SOBP: variants seen among roughly 807,000 people sequenced by gnomAD.
The protein encoded by SOBP is sine oculis-binding protein homolog.
A neutral mutation model predicts 53.6 loss-of-function variants in SOBP; 4 were observed. That is an observed-to-expected ratio of 0.07 (90% CI 0.04 to 0.17). The LOEUF is 0.17. Ranked by LOEUF, SOBP falls within the 10% of genes least tolerant of loss-of-function variation. The pLI, the probability that SOBP is intolerant of heterozygous loss-of-function variation, is 1.00. For missense variants in SOBP, 1,088 were observed against 1,204.7 expected (o/e 0.90, Z 1.43); for synonymous variants, 584 against 522.6 (o/e 1.12, Z -1.60).
At chr6:107,558,458 G>A (rs563214319) in intron 4 of SOBP, among the ~76,000 whole-genome samples, 15 of 151,160 alleles carry the variant, frequency 9.9e-5, no homozygotes, top group African/African-American at 2.9e-4. Flanking sequence ...TAGTAGAGAC[G>A]GGGGTTTCAC....
chr6:107,530,931 A>G (rs1288193815), intron 3 of SOBP, among the ~76,000 whole-genome samples: 1 of 152,206 alleles, frequency 6.6e-6, no homozygotes, highest in Admixed American at 6.5e-5. Flanking sequence ...CTTTGTAAGA[A>G]AGTATTCTTG....
chr6:107,607,640 T>A (rs551779636), intron 5 of SOBP, among the ~76,000 whole-genome samples: 3 of 152,312 alleles, frequency 2.0e-5, no homozygotes, highest in African/African-American at 7.2e-5. Flanking sequence ...AAAGAGCTGA[T>A]CATGTGTAGT....
chr6:107,587,221 C>T, intron 5 of SOBP, 46 bp downstream of exon 5: 1 of 1,482,264 alleles, frequency 6.7e-7, no homozygotes, highest in Non-Finnish European at 9.4e-7. Flanking sequence ...TACTTTAGCA[C>T]AGTGAAAACA....
intron 5 of SOBP, among the ~76,000 whole-genome samples, chr6:107,601,856 A>G (rs1177108943): frequency 6.6e-6 from 1 of 152,276 alleles, no homozygotes; most frequent in Non-Finnish European, 1.5e-5. Context: ...AGTTCCACTT[A>G]ATTTATTAAA....
chr6:107,490,541 C>G lies in SOBP; in HGVS notation c.-76C>G. The G allele has an allele frequency of 9.6e-7, 1 of 1,045,886 alleles. No individual in the cohort carries two copies. Among genetic ancestry groups the G allele is most frequent in the Admixed American group, 2.0e-5 (1 of 48,800 alleles). The allele number at this position is 1,045,886 out of a possible 1,614,324, so 64.8% of individuals were successfully genotyped here. On this transcript the variant is annotated 5_prime_UTR_variant, in exon 1 of 7. Transcript: ENST00000317357. ...TCGCCACCATCAGCACCACCTCCAC[C>G]GCCGCCGCCGCCGCCACCACCACCG...
chr6:107,615,622 G>C (rs1786757400), intron 5 of SOBP, among the ~76,000 whole-genome samples: 1 of 152,186 alleles, frequency 6.6e-6, no homozygotes, highest in Non-Finnish European at 1.5e-5. Context: ...TTATTCAAAG[G>C]ATGGTGTGTT....
intron 4 of SOBP, among the ~76,000 whole-genome samples, chr6:107,551,174 A>T (rs1784448958): frequency 2.0e-5 from 3 of 152,154 alleles, no homozygotes; most frequent in Admixed American, 2.0e-4. Context: ...CCACACATCT[A>T]GTGGCGGGGG....
At chr6:107,620,885 T>C (rs1370922461) in intron 5 of SOBP, among the ~76,000 whole-genome samples, 2 of 152,198 alleles carry the variant, frequency 1.3e-5, no homozygotes, top group Admixed American at 1.3e-4. Context: ...AAGAGTCCAG[T>C]TGTATGAAGG....
chr6:107,562,965 A>G (rs1165815872), intron 4 of SOBP, among the ~76,000 whole-genome samples: 2 of 152,216 alleles, frequency 1.3e-5, no homozygotes, highest in African/African-American at 2.4e-5. Context: ...CTATTTTTGC[A>G]TATATTTTAC....
chr6:107,532,046 T>C (rs1783838207), intron 3 of SOBP, among the ~76,000 whole-genome samples: 1 of 152,096 alleles, frequency 6.6e-6, no homozygotes, highest in African/African-American at 2.4e-5. Flanking sequence ...GAACCCTGAA[T>C]ATGTCAACAA....
chr6:107,569,528 C>T (rs1034446894), intron 4 of SOBP, among the ~76,000 whole-genome samples: 3 of 152,150 alleles, frequency 2.0e-5, no homozygotes, highest in African/African-American at 2.4e-5. Context: ...GTGAAGCACA[C>T]GCCTCAACTT....
chr6:107,610,782 A>G (rs1265721160), intron 5 of SOBP, among the ~76,000 whole-genome samples: 5 of 142,724 alleles, frequency 3.5e-5, no homozygotes, highest in South Asian at 4.7e-4. Context: ...GTGTGTGCGC[A>G]CGTGTGTGCA....
At chr6:107,654,637 CTT>C (rs1771938401) in intron 6 of SOBP, among the ~76,000 whole-genome samples, 1 of 135,474 alleles carries the variant, frequency 7.4e-6, no homozygotes, top group African/African-American at 3.1e-5. Context: ...AAATGGAAGA[CTT>C]AATACTGAAG....
At chr6:107,552,233 T>C (rs559888519) in intron 4 of SOBP, among the ~76,000 whole-genome samples, 23 of 152,326 alleles carry the variant, frequency 1.5e-4, no homozygotes, top group African/African-American at 5.5e-4. Flanking sequence ...CAACTTTCAT[T>C]GTGGGCTCTC....
chr6:107,574,391 A>G (rs1426154861), intron 4 of SOBP, among the ~76,000 whole-genome samples: 1 of 152,190 alleles, frequency 6.6e-6, no homozygotes, highest in African/African-American at 2.4e-5. Context: ...AGGTTTATGA[A>G]TCTAGAATCC....
chr6:107,616,764 G>A (rs879290716), intron 5 of SOBP, among the ~76,000 whole-genome samples: 1 of 152,236 alleles, frequency 6.6e-6, no homozygotes, highest in Admixed American at 6.5e-5. Flanking sequence ...AGTGGGGGCT[G>A]TAATCTCCGA....
chr6:107,625,089 T>A (rs553097015), intron 5 of SOBP, among the ~76,000 whole-genome samples: 1 of 152,308 alleles, frequency 6.6e-6, no homozygotes, highest in African/African-American at 2.4e-5. Context: ...GATAAGGTAT[T>A]TGTGGAGGTT....
intron 1 of SOBP, among the ~76,000 whole-genome samples, chr6:107,495,325 C>T (rs746264029): frequency 2.0e-5 from 3 of 152,172 alleles, no homozygotes; most frequent in Non-Finnish European, 4.4e-5. Flanking sequence ...AAAAGACTGT[C>T]CTGTGAGAGC....
intron 1 of SOBP, among the ~76,000 whole-genome samples, chr6:107,495,702 A>G (rs1477964980): frequency 6.6e-6 from 1 of 152,228 alleles, no homozygotes; most frequent in Non-Finnish European, 1.5e-5. Flanking sequence ...GCCTTAAAAA[A>G]GGGCAAATAT....
Sources: allele counts gnomAD v4.1 joint callset (sites outside exome capture counted in the v4.1 genomes callset), GRCh38; gene constraint gnomAD v4.1.1; transcripts MANE v1.5; gene names NCBI Gene and HGNC (gene_info 2026-07-23, HGNC 2026-07-21).